The following FBXL13 variants were observed in gnomAD, a reference collection of about 807,000 sequenced individuals.
FBXL13 encodes the protein F-box and leucine-rich repeat protein 13.
In FBXL13, 67 loss-of-function variants were observed where a neutral mutation model predicts 83.6. That is an observed-to-expected ratio of 0.80 (90% CI 0.66 to 0.98). FBXL13 has a LOEUF of 0.98. FBXL13 is among the 50% of genes least tolerant of loss of function. The pLI is 0.00. For missense variants in FBXL13, 822 were observed against 866.5 expected, an observed-to-expected ratio of 0.95 and a Z score of 0.64; for synonymous variants, 272 against 299.5, an observed-to-expected ratio of 0.91 and a Z score of 0.95.
At chr7:103,016,079 T>A (rs759383720) in intron 6 of FBXL13, among the ~76,000 whole-genome samples, 1 of 151,966 alleles carries the variant, frequency 6.6e-6, no homozygotes, top group Non-Finnish European at 1.5e-5. Context: ...AAAATGGCCA[T>A]ACTGCCCAAA....
At chr7:102,827,942 A>G (rs1800028714) in intron 18 of FBXL13, among the ~76,000 whole-genome samples, 1 of 152,036 alleles carries the variant, frequency 6.6e-6, no homozygotes, top group Admixed American at 6.6e-5. Context: ...ATTGGTCTAT[A>G]TCTCTGTTTT....
chr7:102,962,506 T>C (rs1054272889), intron 8 of FBXL13, among the ~76,000 whole-genome samples: 1 of 152,080 alleles, frequency 6.6e-6, no homozygotes, highest in Non-Finnish European at 1.5e-5. Context: ...GGACTAGAAA[T>C]CATGCTGCTA....
intron 2 of FBXL13, among the ~76,000 whole-genome samples, chr7:103,048,158 G>A (rs1299697368): frequency 6.6e-6 from 1 of 152,272 alleles, no homozygotes; most frequent in South Asian, 2.1e-4. Context: ...GCGTTCCAAA[G>A]TTAGAGGTCA....
At chr7:103,002,101 G>A (rs193209621) in intron 6 of FBXL13, among the ~76,000 whole-genome samples, 124 of 151,870 alleles carry the variant, frequency 8.2e-4, no homozygotes, top group African/African-American at 2.8e-3. Context: ...CTTCCTTTGT[G>A]CTTTGTCTGA....
At chr7:102,946,120 G>A (rs981139595) in intron 8 of FBXL13, among the ~76,000 whole-genome samples, 14 of 152,282 alleles carry the variant, frequency 9.2e-5, no homozygotes, top group Admixed American at 5.9e-4. Context: ...GACTTCAAGT[G>A]ATCCACCCAC....
chr7:102,876,612 T>C (rs1809306677), intron 16 of FBXL13, among the ~76,000 whole-genome samples: 1 of 151,894 alleles, frequency 6.6e-6, no homozygotes, highest in Non-Finnish European at 1.5e-5. Flanking sequence ...AAACGGTTCA[T>C]GTTAAAGGAT....
intron 10 of FBXL13, 106 bp from the exon 12 acceptor site, chr7:102,913,321 T>G: frequency 2.2e-6 from 3 of 1,387,806 alleles, no homozygotes; most frequent in Non-Finnish European, 9.9e-7. Context: ...CTCTTCTTCT[T>G]GCAGATGTTC....
rs149124931 is a variant in FBXL13 at position 103,052,631 on chromosome 7, T to C, written c.-1+3013A>G. 1.4e-4 allele frequency among the ~76,000 whole-genome samples: 22 copies of C among 152,348 alleles called. No individual in the cohort carries two copies. The Middle Eastern group carries it at 0.01, about 71-fold the overall frequency. On this transcript the variant is annotated intron_variant, in intron 2 of 19. Transcript: ENST00000313221. ...TATCTCATTTTTATTATTTCCAACT[T>C]ATTATATGAAGTGGACACCTTTTCT...
chr7:103,060,773 A>G (rs1244703668), intron 1 of FBXL13, among the ~76,000 whole-genome samples: 1 of 152,216 alleles, frequency 6.6e-6, no homozygotes, highest in Non-Finnish European at 1.5e-5. Context: ...TGCAGAGATA[A>G]AAGTGATTAT....
chr7:103,066,610 G>C (rs1798417859), intron 1 of FBXL13, among the ~76,000 whole-genome samples: 4 of 151,606 alleles, frequency 2.6e-5, no homozygotes, highest in African/African-American at 9.7e-5. Context: ...AGCCAGGATG[G>C]TGTCAAGCTC....
At chr7:102,904,436 C>T (rs1242604596) in intron 11 of FBXL13, among the ~76,000 whole-genome samples, 4 of 151,578 alleles carry the variant, frequency 2.6e-5, no homozygotes, top group East Asian at 3.9e-4. Flanking sequence ...ATGTGCACAA[C>T]GTGCAGGTTT....
At position 102,865,690 on chromosome 7, in the gene FBXL13, C is replaced by T. The variant is rs965787066; in HGVS notation, c.1636-10830G>A. Among the ~76,000 whole-genome samples the T allele has an allele frequency of 3.3e-5, 5 of 152,034 alleles. No homozygotes were observed. In the Middle Eastern group the frequency reaches 0.01, roughly 310 times the overall value. ...CCAAGTAGCTGGGACTACAGGCACG[C>T]GCCACCATACCTGGCTAATTTTTGT... On this transcript the variant is annotated intron_variant, in intron 16 of 19. Transcript: ENST00000313221.
chr7:102,919,788 A>C (rs1282108687), intron 10 of FBXL13, among the ~76,000 whole-genome samples: 9 of 152,254 alleles, frequency 5.9e-5, no homozygotes, highest in Admixed American at 5.9e-4. Flanking sequence ...CAATGGCTAA[A>C]CTATCTGACT....
chr7:102,939,395 G>C, intron 8 of FBXL13: 8 of 1,566,998 alleles, frequency 5.1e-6, no homozygotes, highest in Non-Finnish European at 7.0e-6. Flanking sequence ...GGGGCAAAAA[G>C]AGCATAATAA....
chr7:102,957,766 C>A (rs897123126), intron 8 of FBXL13, among the ~76,000 whole-genome samples: 3 of 152,080 alleles, frequency 2.0e-5, no homozygotes, highest in Admixed American at 2.0e-4. Flanking sequence ...ATCTATGCAG[C>A]CAACAGAGAC....
intron 17 of FBXL13, among the ~76,000 whole-genome samples, chr7:102,850,863 G>C (rs1805096653): frequency 6.6e-6 from 1 of 152,130 alleles, no homozygotes; most frequent in Non-Finnish European, 1.5e-5. Context: ...GGGGGAAATT[G>C]ACATTATGTG....
intron 1 of FBXL13, among the ~76,000 whole-genome samples, chr7:103,060,135 G>A (rs193129134): frequency 4.0e-4 from 58 of 144,198 alleles, no homozygotes; most frequent in African/African-American, 1.2e-3. Context: ...AATCAACCCA[G>A]TGTAACCTCA....
chr7:102,913,077 A>C lies in FBXL13; in HGVS notation c.1008+9T>G. The C allele has an allele frequency of 6.2e-7, 1 of 1,614,078 alleles. No homozygotes were observed. Among genetic ancestry groups the C allele is most frequent in the East Asian group, 2.2e-5 (1 of 44,876 alleles). ...CACACCGCAGCAAAGAGAAGACTGA[A>C]AGACAAACCTGGGTGCAGCCAGAGA... On this transcript the variant is annotated intron_variant, in intron 11 of 19. Coordinates refer to ENST00000313221, the Ensembl canonical transcript of FBXL13.
intron 19 of FBXL13, among the ~76,000 whole-genome samples, chr7:102,815,978 C>T (rs1293971201): frequency 6.6e-6 from 1 of 152,166 alleles, no homozygotes; most frequent in African/African-American, 2.4e-5. Flanking sequence ...GGAGACTACT[C>T]ATTTAATGCA....
Sources: gnomAD v4.1 joint callset for allele counts (sites outside exome capture counted in the v4.1 genomes callset) on GRCh38, gnomAD v4.1.1 for gene constraint, MANE v1.5 for transcripts, NCBI Gene and HGNC (gene_info 2026-07-23, HGNC 2026-07-21) for gene names.